B3GALT5: variants seen among roughly 807,000 people sequenced by gnomAD.
B3GALT5 encodes the protein UDP-Gal:betaGlcNAc beta 1,3-galactosyltransferase, polypeptide 5.
For synonymous variants in B3GALT5, 156 were observed against 158.6 expected (o/e 0.98, Z 0.12); for missense variants, 328 against 396.6 (o/e 0.83, Z 1.47).
At chr21:39,629,970 T>C (rs1408027428) in intron 1 of B3GALT5, among the ~76,000 whole-genome samples, 1 of 152,246 alleles carries the variant, frequency 6.6e-6, no homozygotes, top group Non-Finnish European at 1.5e-5. Flanking sequence ...TCACTTATTT[T>C]AGCATAAGTT....
chr21:39,646,970 G>T (rs2079346226), intron 2 of B3GALT5, among the ~76,000 whole-genome samples: 1 of 152,126 alleles, frequency 6.6e-6, no homozygotes, highest in South Asian at 2.1e-4. Flanking sequence ...GTGTGGTGGT[G>T]CATGCCTGTA....
intron 1 of B3GALT5, among the ~76,000 whole-genome samples, chr21:39,636,191 AT>A (rs1405173992): frequency 6.6e-6 from 1 of 152,252 alleles, no homozygotes; most frequent in Non-Finnish European, 1.5e-5. Flanking sequence ...TGTGAAGTTA[AT>A]TGAGAAAATG....
intron 1 of B3GALT5, among the ~76,000 whole-genome samples, chr21:39,639,347 T>TTTCTTTCTTTCTTTCC (rs762994044): frequency 4.7e-4 from 31 of 66,666 alleles, no homozygotes; most frequent in Non-Finnish European, 5.6e-4. Flanking sequence ...TCTTTCTTTC[T>TTTCTTTCTTTCTTTCC]TTCCTTCCTT....
chr21:39,660,672 A>G lies in B3GALT5; in HGVS notation c.113A>G (p.Tyr38Cys), dbSNP rs766344619. The change falls in exon 4 of 4, where the codon TAC becomes TGC. Residue 38 changes from tyrosine to cysteine, a missense_variant. Tyr to Cys is a radical substitution (Grantham distance 194). Transcript: ENST00000684187. The part of the protein sequence containing the change: ...LNPFKEQSFV[Y>C]KKDGNFLKLP... ...CCTTTCAAAGAACAGTCCTTTGTTTACAAGAAAGACGGGAACTTCCTTAAG... is the reference window on the plus strand; with the variant it reads ...CCTTTCAAAGAACAGTCCTTTGTTTGCAAGAAAGACGGGAACTTCCTTAAG... 6.4e-7 allele frequency: 1 copy of G among 1,553,636 alleles called. No individual in the cohort carries two copies. The highest frequency in any genetic ancestry group is 1.2e-5 in the South Asian group (1 of 80,386).
At chr21:39,618,642 G>T (rs900291580) in intron 1 of B3GALT5, among the ~76,000 whole-genome samples, 11 of 152,072 alleles carry the variant, frequency 7.2e-5, no homozygotes, top group African/African-American at 2.7e-4. Flanking sequence ...CATTTGGAAT[G>T]TCTTTTTCTT....
At chr21:39,615,483 C>T (rs2079102786) in intron 1 of B3GALT5, among the ~76,000 whole-genome samples, 1 of 152,178 alleles carries the variant, frequency 6.6e-6, no homozygotes, top group African/African-American at 2.4e-5. Flanking sequence ...ACATCATCCC[C>T]ACATCCTTAA....
Position 39,672,525 on chromosome 21 carries a change from G to A in B3GALT5, c.*11033G>A, listed in dbSNP as rs2079639208. The A allele has an allele frequency of 6.6e-6, 1 of 151,926 alleles. No individual in the cohort carries two copies. Among genetic ancestry groups the A allele is most frequent in the South Asian group, 2.1e-4 (1 of 4,786 alleles). 9.4% of individuals were successfully genotyped at this position (151,926 alleles called of 1,614,324 possible). ...CTTATGTCATTGTATTTTGGAAATG[G>A]GTATATGTCCTTATTATTGGTTAAT... On this transcript the variant is annotated 3_prime_UTR_variant, in exon 4 of 4. Transcript: ENST00000684187.
Position 39,661,135 on chromosome 21 carries a change from G to A in B3GALT5, c.576G>A (p.Arg192=), listed in dbSNP as rs734412. ...TGAAACTCAATGAGTTTCCCATCAG[G>A]CAGCCATTCAGCAAGTGGTTTGTCA... is the stretch of plus-strand genomic sequence containing the variant. The part of the protein sequence containing the change: ...GFLKLNEFPI[R]QPFSKWFVSK... The change falls in exon 4 of 4, where the codon AGG becomes AGA. Residue 192 remains arginine (R), a synonymous_variant. Coordinates refer to ENST00000684187, the MANE Select transcript of B3GALT5 (RefSeq NM_001356336.2). The surrounding 1 kb of genome is among the most constrained non-coding windows in gnomAD (Gnocchi z 4.7). 114,954 of 1,613,934 alleles carry A rather than the reference G, an allele frequency of 0.071. 4,956 individuals are homozygous for A. Among genetic ancestry groups the A allele is most frequent in the Non-Finnish European group, 0.088 (103,310 of 1,179,866 alleles).
rs568622407 is a variant in B3GALT5 at position 39,639,350 on chromosome 21, C to T, written c.-391-7042C>T. Among the ~76,000 whole-genome samples, 291 of 103,414 alleles carry T rather than the reference C, an allele frequency of 2.8e-3. 2 individuals are homozygous for T. Among genetic ancestry groups the T allele is most frequent in the African/African-American group, 4.5e-3 (116 of 25,708 alleles). The allele number at this position is 103,414 out of a possible 152,430, so 67.8% of individuals were successfully genotyped here. A position where few individuals can be genotyped will look rare whatever the true frequency, so the allele number is the denominator to read the frequency against. ...TCTTTCTTTCTTTCTTTCTTTCTTT[C>T]CTTCCTTCCTTCCTTCCTTCCTTCC... On this transcript the variant is annotated intron_variant, in intron 1 of 3. Transcript: ENST00000684187.
intron 1 of B3GALT5, among the ~76,000 whole-genome samples, chr21:39,638,432 C>T (rs1047829324): frequency 1.4e-4 from 21 of 152,164 alleles, no homozygotes; most frequent in Middle Eastern, 3.2e-3. Flanking sequence ...GATGCGGAGG[C>T]GGGCTAGGGC....
At chr21:39,647,238 C>A (rs2079349226) in intron 2 of B3GALT5, among the ~76,000 whole-genome samples, 1 of 152,236 alleles carries the variant, frequency 6.6e-6, no homozygotes, top group Non-Finnish European at 1.5e-5. Flanking sequence ...TGGTTCTCAC[C>A]TTGAGGACGG....
At chr21:39,634,358 A>G (rs990192592) in intron 1 of B3GALT5, among the ~76,000 whole-genome samples, 2 of 152,114 alleles carry the variant, frequency 1.3e-5, no homozygotes, top group African/African-American at 4.8e-5. Context: ...CCATGTCCCG[A>G]TCCGACTTCA....
chr21:39,649,853 C>T (rs917345207), intron 2 of B3GALT5, among the ~76,000 whole-genome samples: 16 of 152,192 alleles, frequency 1.1e-4, no homozygotes, highest in Admixed American at 5.2e-4. Context: ...GCAAAACCAA[C>T]TTTGCAGGAT....
intron 1 of B3GALT5, among the ~76,000 whole-genome samples, chr21:39,634,327 G>T (rs745527284): frequency 6.6e-6 from 1 of 152,138 alleles, no homozygotes; most frequent in African/African-American, 2.4e-5. Flanking sequence ...GCCTCTCACA[G>T]CCCACTTGTC....
intron 2 of B3GALT5, among the ~76,000 whole-genome samples, chr21:39,650,636 G>T (rs528738517): frequency 7.0e-4 from 106 of 152,258 alleles, no homozygotes; most frequent in African/African-American, 2.5e-3. Context: ...AGATGCCAGC[G>T]CCTGGCTCGT....
intron 1 of B3GALT5, among the ~76,000 whole-genome samples, chr21:39,631,042 G>T (rs779048733): frequency 6.6e-6 from 1 of 152,186 alleles, no homozygotes; most frequent in Non-Finnish European, 1.5e-5. Flanking sequence ...TGCTATTATT[G>T]CATTTGCTGC....
At chr21:39,648,931 C>T (rs550339314) in intron 2 of B3GALT5, among the ~76,000 whole-genome samples, 5 of 152,330 alleles carry the variant, frequency 3.3e-5, no homozygotes, top group East Asian at 1.9e-4. Context: ...CGCCAGAACC[C>T]GGCTGTGCTG....
intron 2 of B3GALT5, among the ~76,000 whole-genome samples, chr21:39,651,967 G>A (rs1442069156): frequency 2.0e-5 from 3 of 152,168 alleles, no homozygotes; most frequent in Admixed American, 6.5e-5. Flanking sequence ...GGCTTCACCC[G>A]ACTGTGTTGA....
chr21:39,659,366 G>A (rs1053540195), intron 2 of B3GALT5, among the ~76,000 whole-genome samples: 1 of 152,176 alleles, frequency 6.6e-6, no homozygotes, highest in Admixed American at 6.5e-5. Flanking sequence ...CCGCTATTGT[G>A]TTAAGAATTG....
Sources: gnomAD v4.1 joint callset for allele counts (sites outside exome capture counted in the v4.1 genomes callset) on GRCh38, gnomAD v4.1.1 for gene constraint, Gnocchi (gnomAD v3.1) non-coding constraint, MANE v1.5 for transcripts, NCBI Gene and HGNC (gene_info 2026-07-23, HGNC 2026-07-21) for gene names.